The following UNKL variants were observed in gnomAD, a reference collection of about 807,000 sequenced individuals.
UNKL encodes unk like zinc finger.
A neutral mutation model predicts 78.0 loss-of-function variants in UNKL; 60 were observed. The ratio of observed to expected loss-of-function variants is 0.77; its 90% CI spans 0.63 to 0.95. The LOEUF (loss-of-function observed/expected upper bound fraction) is 0.95, where lower values mean the gene tolerates loss of function less well. Ranked by LOEUF, UNKL falls within the 40% of genes least tolerant of loss-of-function variation. The pLI is 0.00. For missense variants in UNKL, 1,159 were observed against 1,045.7 expected (o/e 1.11, Z -1.49); for synonymous variants, 608 against 474.8 (o/e 1.28, Z -3.65).
intron 10 of UNKL, among the ~76,000 whole-genome samples, chr16:1,371,833 C>G (rs1045086345): frequency 3.3e-5 from 5 of 152,236 alleles, no homozygotes; most frequent in African/African-American, 1.2e-4. Context: ...CGAGCGTGCT[C>G]AGGTGGGACG....
Position 1,385,269 on chromosome 16 carries a change from G to C in UNKL, c.1203C>G (p.Pro401=). The C allele has an allele frequency of 2.2e-6, 3 of 1,341,922 alleles. No homozygotes were observed. Among genetic ancestry groups the C allele is most frequent in the Admixed American group, 4.0e-5 (1 of 25,082 alleles). 83.1% of individuals were successfully genotyped at this position (1,341,922 alleles called of 1,614,324 possible). The change falls in exon 10 of 15, where the codon CCC becomes CCG. Residue 401 remains proline (P), a synonymous_variant. Coordinates refer to ENST00000389221, the MANE Select transcript of UNKL (RefSeq NM_001372107.1). ...GSGSSSPTAL[P]APPARALPLG... ...GCGGGAGGGCACGGGCGGGGGGCGC[G>C]GGCAGCGCAGTGGGGGAGGAGCTGC...
In UNKL at chr16:1,367,292, C is replaced by T. The variant is rs1390054794; in HGVS notation, c.1846G>A (p.Asp616Asn). The change falls in exon 14 of 15, where the codon GAT becomes AAT. Residue 616 changes from aspartate (D) to asparagine (N), a missense_variant. By Grantham distance (23) the Asp-to-Asn change is conservative. Transcript: ENST00000389221. ...TGCAGCGCCAGCTGCCGGTCGCTAT[C>T]GGCCACACGGGCACGCTCCTTGGCC... ...QEAKERARVA[D>N]SDRQLALQKK... 1.3e-5 allele frequency: 20 copies of T among 1,561,224 alleles called. No homozygotes were observed. Among genetic ancestry groups the T allele is most frequent in the Non-Finnish European group, 1.7e-5 (20 of 1,157,808 alleles).
rs560157948 is a variant in UNKL, at chr16:1,403,482, A to C, written c.288-138T>G. 2.0e-4 allele frequency: 218 copies of C among 1,116,966 alleles called. 1 individual carries two copies. In the African/African-American group the frequency reaches 2.9e-3, roughly 15 times the overall value. 69.2% of individuals were successfully genotyped at this position (1,116,966 alleles called of 1,614,324 possible). On this transcript the variant is annotated intron_variant, in intron 2 of 14. Coordinates refer to ENST00000389221, the MANE Select transcript of UNKL (RefSeq NM_001372107.1). This position sits in a 1 kb window ranked among gnomAD's most constrained non-coding sequence, Gnocchi z 4.8. ...CTTCCAGATTCCTGTTCTAATCAGA[A>C]GGACGGACACACTGGACGCAGCACC...
chr16:1,401,562 A>G lies in UNKL; in HGVS notation c.598+6T>C, dbSNP rs2142206252. On this transcript the variant is annotated splice_donor_region_variant and intron_variant, in intron 4 of 14. Transcript: ENST00000389221. The stretch of plus-strand genomic sequence containing the variant: ...CCACCGCCCTCAGCTGCGGCCGTGG[A>G]GTTACCTTGCCACCGGGGGTCCTCG... The G allele has an allele frequency of 6.6e-7, 1 of 1,516,436 alleles. No individual in the cohort carries two copies. Among genetic ancestry groups the G allele is most frequent in the Non-Finnish European group, 9.0e-7 (1 of 1,117,200 alleles). The allele number at this position is 1,516,436 out of a possible 1,614,324, so 93.9% of individuals were successfully genotyped here.
At chr16:1,385,453 C>G (rs1368706146) in intron 9 of UNKL, 68 bp from the exon 10 acceptor site, 1 of 1,267,170 alleles carries the variant, frequency 7.9e-7, no homozygotes, top group African/African-American at 1.6e-5. Flanking sequence ...ACGTCGGCAC[C>G]CTGCAGAAAG....
intron 9 of UNKL, among the ~76,000 whole-genome samples, chr16:1,388,416 G>C (rs2036907173): frequency 6.6e-6 from 1 of 152,138 alleles, no homozygotes; most frequent in South Asian, 2.1e-4. Context: ...TCTGCAGGAG[G>C]GGACTCCACC....
intron 12 of UNKL, 50 bp downstream of exon 12, chr16:1,370,080 C>A (rs1451009978): frequency 1.3e-6 from 2 of 1,546,482 alleles, no homozygotes; most frequent in African/African-American, 1.4e-5. Context: ...TGGGAGGGAG[C>A]CCCACGGAGG....
chr16:1,398,679 G>GCCGGCCCCCCCC, intron 5 of UNKL: 1 of 1,356,292 alleles, frequency 7.4e-7, no homozygotes, highest in South Asian at 1.4e-5. Flanking sequence ...TGTGGGGTCT[G>GCCGGCCCCCCCC]CACCCCCCCA....
At position 1,369,289 on chromosome 16, in the gene UNKL, C is replaced by T. The variant is rs182184954; in HGVS notation, c.1585+841G>A. 6.6e-3 allele frequency among the ~76,000 whole-genome samples: 993 copies of T among 150,172 alleles called. 10 individuals are homozygous for T. Among genetic ancestry groups the T allele is most frequent in the Non-Finnish European group, 9.1e-3 (619 of 67,670 alleles). ...TTCACCATGTTGGCCAGGATGGTCT[C>T]GATATCCTGACGTCGTGATCCGCCC... On this transcript the variant is annotated intron_variant, in intron 12 of 14. Coordinates refer to ENST00000389221, the MANE Select transcript of UNKL (RefSeq NM_001372107.1).
At chr16:1,397,747 G>A (rs2037341837) in intron 5 of UNKL, among the ~76,000 whole-genome samples, 1 of 88,686 alleles carries the variant, frequency 1.1e-5, no homozygotes, top group South Asian at 4.6e-4. Flanking sequence ...ATGAGGAGGT[G>A]TCAGGGGGAC....
At chr16:1,407,043 G>A (rs1158032186) in intron 2 of UNKL, among the ~76,000 whole-genome samples, 1 of 151,968 alleles carries the variant, frequency 6.6e-6, no homozygotes, top group African/African-American at 2.4e-5. Flanking sequence ...CAGCTACTCG[G>A]GAGGTTGAGG....
chr16:1,386,268 C>T (rs141826546), intron 9 of UNKL, among the ~76,000 whole-genome samples: 3,199 of 151,968 alleles, frequency 0.021, 48 homozygotes, highest in Middle Eastern at 0.051. Flanking sequence ...AAAAATTAGC[C>T]AAGGCCGGGC....
intron 12 of UNKL, among the ~76,000 whole-genome samples, chr16:1,369,498 T>TAACCC (rs1242844461): frequency 6.6e-6 from 1 of 152,046 alleles, no homozygotes; most frequent in Non-Finnish European, 1.5e-5. Context: ...GCCTCCCCAG[T>TAACCC]AGCTGGGGTT....
chr16:1,394,464 C>T (rs1227133182), intron 6 of UNKL: 1 of 667,744 alleles, frequency 1.5e-6, no homozygotes, highest in Non-Finnish European at 2.8e-6. Context: ...CCTCCCATCA[C>T]AGGCAAAGTC....
In UNKL at chr16:1,370,120, C is replaced by A. The variant is rs185802816; in HGVS notation, c.1585+10G>T. ...ACGGCAACGCCAGCATGGAGGGAGC[C>A]GGCACTCACCTAGGGGGCTGTAGGA... On this transcript the variant is annotated intron_variant, in intron 12 of 14. Coordinates refer to ENST00000389221, the MANE Select transcript of UNKL (RefSeq NM_001372107.1). 265 of 1,535,194 alleles carry A rather than the reference C, an allele frequency of 1.7e-4. 1 individual carries two copies. The highest frequency in any genetic ancestry group is 3.7e-5 in the Non-Finnish European group (42 of 1,137,956).
At chr16:1,398,205 A>G (rs913430298) in intron 5 of UNKL, 15 of 641,262 alleles carry the variant, frequency 2.3e-5, no homozygotes, top group Middle Eastern at 8.0e-4. Flanking sequence ...CAAATTACCT[A>G]TGTTCCTACT....
At chr16:1,392,770 G>A (rs781499362) in intron 8 of UNKL, 121 bp downstream of exon 8, 33 of 1,185,112 alleles carry the variant, frequency 2.8e-5, no homozygotes, top group Non-Finnish European at 9.7e-6. Flanking sequence ...TTCTAGAAGA[G>A]CCACGAACTC....
chr16:1,395,703 C>T (rs1362085162), intron 6 of UNKL: 5 of 456,452 alleles, frequency 1.1e-5, no homozygotes, highest in South Asian at 4.6e-5. Flanking sequence ...GCGGCTGTGG[C>T]CCACGTGGTG....
chr16:1,398,417 G>C (rs1470838131), intron 5 of UNKL: 1 of 1,036,488 alleles, frequency 9.6e-7, no homozygotes, highest in Non-Finnish European at 1.2e-6. Flanking sequence ...CAAAATCTCA[G>C]ACACTAATTT....
Sources: gnomAD v4.1 joint callset for allele counts (sites outside exome capture counted in the v4.1 genomes callset) on GRCh38, gnomAD v4.1.1 for gene constraint, Gnocchi (gnomAD v3.1) non-coding constraint, MANE v1.5 for transcripts, NCBI Gene and HGNC (gene_info 2026-07-23, HGNC 2026-07-21) for gene names.